The following PLXNA4 variants were observed in gnomAD, a reference collection of about 807,000 sequenced individuals.
The protein encoded by PLXNA4 is plexin A4.
A neutral mutation model predicts 191.8 loss-of-function variants in PLXNA4; 44 were observed. The ratio of observed to expected loss-of-function variants is 0.23; its 90% confidence interval spans 0.18 to 0.29. PLXNA4 has a LOEUF of 0.29. PLXNA4 is among the 10% of genes least tolerant of loss of function. The pLI is 1.00. For missense variants in PLXNA4, 1,800 were observed against 2,488.8 expected (o/e 0.72, Z 5.89); for synonymous variants, 1,082 against 1,009.5 (o/e 1.07, Z -1.36).
intron 4 of PLXNA4, among the ~76,000 whole-genome samples, chr7:132,288,872 T>C (rs557804388): frequency 2.0e-5 from 3 of 152,086 alleles, no homozygotes; most frequent in Admixed American, 6.5e-5. Flanking sequence ...CCTCCAAGAC[T>C]GTCAGACTTC....
chr7:132,384,851 T>C (rs1585063139), intron 3 of PLXNA4: 1 of 1,166,052 alleles, frequency 8.6e-7, no homozygotes, highest in Non-Finnish European at 1.1e-6. Context: ...CTACCATATA[T>C]CAGGCCCAAG....
chr7:132,435,629 G>C (rs553326812), intron 3 of PLXNA4, among the ~76,000 whole-genome samples: 73 of 152,274 alleles, frequency 4.8e-4, no homozygotes, highest in African/African-American at 1.6e-3. Context: ...CATCCGGGGG[G>C]TTGTCTGTGG....
At chr7:132,345,252 G>A (rs1364505) in intron 3 of PLXNA4, among the ~76,000 whole-genome samples, 48,894 of 152,012 alleles carry the variant, frequency 0.32, 8,256 homozygotes, top group African/African-American at 0.41. Flanking sequence ...AAGTTGGTTG[G>A]CAAACTTTTC....
intron 3 of PLXNA4, among the ~76,000 whole-genome samples, chr7:132,463,579 C>A (rs1796595343): frequency 6.6e-6 from 1 of 152,116 alleles, no homozygotes; most frequent in African/African-American, 2.4e-5. Context: ...GAAACCAGCC[C>A]GTTTGTTGAA....
intron 4 of PLXNA4, among the ~76,000 whole-genome samples, chr7:132,282,783 G>T (rs1247472103): frequency 6.6e-6 from 1 of 152,040 alleles, no homozygotes; most frequent in Non-Finnish European, 1.5e-5. Flanking sequence ...TTTAGAGTTT[G>T]GTCTCTGGTA....
At chr7:132,390,669 T>C (rs1296588486) in intron 3 of PLXNA4, among the ~76,000 whole-genome samples, 1 of 152,126 alleles carries the variant, frequency 6.6e-6, no homozygotes, top group African/African-American at 2.4e-5. Context: ...TGCCACATCA[T>C]GGCCCCCGCT....
chr7:132,608,123 CCAT>C (rs1403460940), intron 2 of PLXNA4, among the ~76,000 whole-genome samples: 1 of 3,386 alleles, frequency 3.0e-4, no homozygotes, highest in African/African-American at 7.9e-4. Context: ...ACCATCACTG[CCAT>C]CATCATCATC....
chr7:132,261,967 A>G (rs537758905), intron 4 of PLXNA4, among the ~76,000 whole-genome samples: 31 of 152,300 alleles, frequency 2.0e-4, no homozygotes, highest in African/African-American at 7.2e-4. Flanking sequence ...TTACTTCACC[A>G]GCAGAGGTTG....
intron 29 of PLXNA4, among the ~76,000 whole-genome samples, chr7:132,142,405 G>A (rs1795297248): frequency 6.6e-6 from 1 of 152,070 alleles, no homozygotes; most frequent in South Asian, 2.1e-4. Flanking sequence ...TATGTGTTTG[G>A]CTTGCTCGTT....
At chr7:132,236,469 G>T (rs763173449) in intron 5 of PLXNA4, among the ~76,000 whole-genome samples, 90 of 152,306 alleles carry the variant, frequency 5.9e-4, no homozygotes, top group African/African-American at 1.9e-3. Context: ...CCTGAGTGAA[G>T]ATCAGGCTTG....
intron 2 of PLXNA4, among the ~76,000 whole-genome samples, chr7:132,630,540 C>T (rs978509388): frequency 6.8e-6 from 1 of 147,998 alleles, no homozygotes; most frequent in African/African-American, 2.7e-5. Context: ...GAGAATGAGT[C>T]TCACTCTGTC....
At chr7:132,160,671 C>CG (rs1357717952) in intron 24 of PLXNA4, among the ~76,000 whole-genome samples, 1 of 152,140 alleles carries the variant, frequency 6.6e-6, no homozygotes, top group Non-Finnish European at 1.5e-5. Flanking sequence ...AACTCTCCCT[C>CG]GGGCCCTGCT....
intron 13 of PLXNA4, among the ~76,000 whole-genome samples, chr7:132,195,837 T>C (rs1259385891): frequency 6.6e-6 from 1 of 152,232 alleles, no homozygotes; most frequent in Non-Finnish European, 1.5e-5. Flanking sequence ...CTTGTCATCT[T>C]TCAACTGTGG....
intron 3 of PLXNA4, among the ~76,000 whole-genome samples, chr7:132,354,941 C>T (rs1158205746): frequency 6.6e-6 from 1 of 152,192 alleles, no homozygotes; most frequent in Non-Finnish European, 1.5e-5. Context: ...CTTTCTTCTA[C>T]TGGTCTTATT....
At chr7:132,256,906 G>C (rs979957027) in intron 4 of PLXNA4, among the ~76,000 whole-genome samples, 1 of 152,202 alleles carries the variant, frequency 6.6e-6, no homozygotes, top group African/African-American at 2.4e-5. Context: ...TGAGCATAGA[G>C]ATAACACTGG....
At chr7:132,379,939 C>G (rs993552060) in intron 3 of PLXNA4, among the ~76,000 whole-genome samples, 3 of 152,170 alleles carry the variant, frequency 2.0e-5, no homozygotes, top group Admixed American at 6.5e-5. Context: ...AAGGTATGTT[C>G]TTGGGCTTCA....
chr7:132,198,690 T>G, intron 12 of PLXNA4, 54 bp from the exon 13 acceptor site: 1 of 1,598,504 alleles, frequency 6.3e-7, no homozygotes, highest in Non-Finnish European at 8.5e-7. Context: ...GCCACTCACT[T>G]GCTGATGAGG....
At chr7:132,154,685 G>C (rs889859863) in intron 25 of PLXNA4, among the ~76,000 whole-genome samples, 2 of 143,966 alleles carry the variant, frequency 1.4e-5, no homozygotes, top group African/African-American at 4.9e-5. Flanking sequence ...CATGGCTCCA[G>C]ACAGTGTGGT....
intron 3 of PLXNA4, among the ~76,000 whole-genome samples, chr7:132,317,638 A>T (rs1178988787): frequency 6.6e-6 from 1 of 152,232 alleles, no homozygotes; most frequent in Non-Finnish European, 1.5e-5. Flanking sequence ...TCACTAGCAT[A>T]GGATCCAAAG....
Sources: allele counts gnomAD v4.1 joint callset (sites outside exome capture counted in the v4.1 genomes callset), GRCh38; gene constraint gnomAD v4.1.1; transcripts MANE v1.5; gene names NCBI Gene and HGNC (gene_info 2026-07-23, HGNC 2026-07-21).